The following HPSE2 variants were observed in gnomAD, a reference collection of about 807,000 sequenced individuals.
HPSE2 encodes heparanase 2 (inactive).
In HPSE2, 38 loss-of-function variants were observed where a neutral mutation model predicts 60.5. The ratio of observed to expected loss-of-function variants is 0.63; its 90% confidence interval spans 0.48 to 0.82. The LOEUF is 0.82. HPSE2 is among the 40% of genes least tolerant of loss of function. The pLI, the probability that HPSE2 is intolerant of heterozygous loss-of-function variation, is 0.00. For synonymous variants in HPSE2, 295 were observed against 293.2 expected (o/e 1.01, Z -0.06); for missense variants, 713 against 740.4 (o/e 0.96, Z 0.43).
Position 98,744,062 on chromosome 10 carries a change from A to T in HPSE2, c.611-6T>A. The T allele has an allele frequency of 6.2e-7, 1 of 1,613,596 alleles. No homozygotes were observed. The highest frequency in any genetic ancestry group is 8.5e-7 in the Non-Finnish European group (1 of 1,179,656). Reference sequence around the variant, plus strand: ...AAGTTTGTCTAGAGACCTGGCTGGGAAGAAGCAGAGAAAGGCTTGTAACTT... The same window carrying T: ...AAGTTTGTCTAGAGACCTGGCTGGGTAGAAGCAGAGAAAGGCTTGTAACTT... On this transcript the variant is annotated splice_polypyrimidine_tract_variant and splice_region_variant and intron_variant, in intron 3 of 11. Transcript: ENST00000370552.
At chr10:98,663,966 G>T (rs776955294) in intron 6 of HPSE2, among the ~76,000 whole-genome samples, 3 of 152,150 alleles carry the variant, frequency 2.0e-5, no homozygotes, top group Non-Finnish European at 4.4e-5. Context: ...TCAGCTCTAT[G>T]TTGGCTGGGG....
chr10:99,153,180 C>T (rs1363118262), intron 2 of HPSE2, among the ~76,000 whole-genome samples: 4 of 152,164 alleles, frequency 2.6e-5, no homozygotes, highest in African/African-American at 4.8e-5. Flanking sequence ...GGGGGAGGGG[C>T]GCCCGCCATT....
the HPSE2 span, among the ~76,000 whole-genome samples, chr10:99,282,036 G>A: frequency 6.6e-6 from 1 of 152,132 alleles, no homozygotes; most frequent in Non-Finnish European, 1.5e-5. Context: ...GAGGTAGGCA[G>A]ATCACAAGGT....
intron 3 of HPSE2, among the ~76,000 whole-genome samples, chr10:99,100,694 A>G (rs527283848): frequency 6.6e-6 from 1 of 152,326 alleles, no homozygotes; most frequent in South Asian, 2.1e-4. Flanking sequence ...TAATTGTCAG[A>G]TTCACCAAAG....
chr10:98,488,567 A>G (rs1233752011), intron 10 of HPSE2, among the ~76,000 whole-genome samples: 1 of 152,216 alleles, frequency 6.6e-6, no homozygotes, highest in African/African-American at 2.4e-5. Context: ...ATGGCTGCAG[A>G]TATTTTTTCC....
intron 9 of HPSE2, among the ~76,000 whole-genome samples, chr10:98,569,220 C>G (rs564158477): frequency 6.6e-6 from 1 of 151,940 alleles, no homozygotes; most frequent in African/African-American, 2.4e-5. Flanking sequence ...CCCGCCACCA[C>G]GCCCAGCTAA....
intron 3 of HPSE2, among the ~76,000 whole-genome samples, chr10:98,905,532 G>T (rs4919264): frequency 0.15 from 23,252 of 151,982 alleles, 2,683 homozygotes; most frequent in African/African-American, 0.32. Context: ...ATACTTACAT[G>T]TTCAGGATCC....
chr10:99,122,750 T>C (rs1312116445), intron 3 of HPSE2, among the ~76,000 whole-genome samples: 1 of 152,114 alleles, frequency 6.6e-6, no homozygotes, highest in Non-Finnish European at 1.5e-5. Context: ...ATAATTTGAA[T>C]GTAATTCCAA....
intron 11 of HPSE2, among the ~76,000 whole-genome samples, chr10:98,462,679 A>G (rs1201803944): frequency 6.6e-6 from 1 of 151,786 alleles, no homozygotes; most frequent in African/African-American, 2.4e-5. Context: ...TTTTTTTGAG[A>G]GGGAGCCATT....
chr10:98,982,415 G>C (rs995405836), intron 3 of HPSE2, among the ~76,000 whole-genome samples: 3 of 152,092 alleles, frequency 2.0e-5, no homozygotes, highest in Admixed American at 6.6e-5. Flanking sequence ...AAACTCAATA[G>C]GTTTTCTAAC....
chr10:98,983,216 C>T (rs1162060678), intron 3 of HPSE2, among the ~76,000 whole-genome samples: 1 of 152,090 alleles, frequency 6.6e-6, no homozygotes, highest in African/African-American at 2.4e-5. Context: ...TTGTAATATA[C>T]AATGAAATAA....
At chr10:99,103,608 T>G (rs1844109011) in intron 3 of HPSE2, among the ~76,000 whole-genome samples, 1 of 152,178 alleles carries the variant, frequency 6.6e-6, no homozygotes, top group African/African-American at 2.4e-5. Flanking sequence ...ACCAATGACT[T>G]TCTTCGCAGA....
At chr10:99,183,094 C>A (rs2133836449) in intron 2 of HPSE2, among the ~76,000 whole-genome samples, 1 of 152,272 alleles carries the variant, frequency 6.6e-6, no homozygotes, top group Non-Finnish European at 1.5e-5. Flanking sequence ...ATGAGTACCC[C>A]CACCTCAATG....
intron 3 of HPSE2, among the ~76,000 whole-genome samples, chr10:98,804,047 A>C (rs1196671628): frequency 6.6e-6 from 1 of 151,876 alleles, no homozygotes; most frequent in Non-Finnish European, 1.5e-5. Context: ...CGTCCCTTGT[A>C]AGTTGGATTC....
At chr10:98,656,253 T>C (rs570995290) in intron 6 of HPSE2, among the ~76,000 whole-genome samples, 8 of 152,234 alleles carry the variant, frequency 5.3e-5, no homozygotes, top group African/African-American at 1.2e-4. Flanking sequence ...ACCCGGCTAA[T>C]GCTTTGTAAT....
intron 3 of HPSE2, among the ~76,000 whole-genome samples, chr10:98,872,127 A>G (rs1029870506): frequency 1.3e-5 from 2 of 151,976 alleles, no homozygotes; most frequent in Non-Finnish European, 2.9e-5. Flanking sequence ...CTAGTACTAA[A>G]TACTGGTCAA....
intron 6 of HPSE2, among the ~76,000 whole-genome samples, chr10:98,653,414 G>GT (rs35797951): frequency 0.17 from 25,337 of 145,256 alleles, 2,279 homozygotes; most frequent in Admixed American, 0.24. Context: ...CCTTGTATCT[G>GT]TTTTTTTTTT....
chr10:98,850,175 A>G (rs546373898), intron 3 of HPSE2, among the ~76,000 whole-genome samples: 7 of 152,318 alleles, frequency 4.6e-5, no homozygotes, highest in Admixed American at 3.9e-4. Context: ...TATACATGCT[A>G]ATGGTAGAGA....
chr10:98,955,642 A>C (rs540814401), intron 3 of HPSE2, among the ~76,000 whole-genome samples: 1 of 152,340 alleles, frequency 6.6e-6, no homozygotes, highest in South Asian at 2.1e-4. Flanking sequence ...TTCTATTATA[A>C]AGATACATGC....
Sources: gnomAD v4.1 joint callset for allele counts (sites outside exome capture counted in the v4.1 genomes callset) on GRCh38, gnomAD v4.1.1 for gene constraint, MANE v1.5 for transcripts, NCBI Gene and HGNC (gene_info 2026-07-23, HGNC 2026-07-21) for gene names.